Variants in MUC17 observed in about 807,000 individuals in gnomAD.
The protein encoded by MUC17 is mucin 17, cell surface associated.
Under a neutral mutation model 170.3 loss-of-function variants are expected in MUC17, and 190 were observed. The observed-to-expected ratio is 1.12, with a 90% CI of 0.99 to 1.26. The LOEUF is 1.26. MUC17 is among the 50% of genes most tolerant of loss of function. MUC17 has a pLI of 0.00. For synonymous variants in MUC17, 2,325 were observed against 2,002.5 expected, an observed-to-expected ratio of 1.16 and a Z score of -4.30; for missense variants, 6,415 against 5,530.0, an observed-to-expected ratio of 1.16 and a Z score of -5.08.
rs1171498901 is a variant in MUC17 at position 101,035,104 on chromosome 7, C to G, written c.3688C>G (p.Pro1230Ala). ...PLTSMPVRHT[P>A]VASSEASTLS... ...AACAAGTATGCCTGTCAGACACACG[C>G]CAGTGGCCAGTTCTGAGGCTAGCAC... The change falls in exon 3 of 13, where the codon CCA (proline) becomes GCA (alanine). Residue 1230 changes from proline to alanine, a missense_variant. By Grantham distance (27) the Pro-to-Ala change is conservative. Coordinates refer to ENST00000306151, the MANE Select transcript of MUC17 (RefSeq NM_001040105.2). 6.2e-7 allele frequency: 1 copy of G among 1,612,140 alleles called. No individual in the cohort carries two copies. Among genetic ancestry groups the G allele is most frequent in the Admixed American group, 1.7e-5 (1 of 59,868 alleles).
Position 101,051,626 on chromosome 7 carries a change from C to T in MUC17, c.12888C>T (p.Phe4296=). Residue 4296 remains phenylalanine (F), a synonymous_variant, in exon 8 of 13, where the codon TTC becomes TTT. Transcript: ENST00000306151. The stretch of plus-strand genomic sequence containing the variant: ...TCTCTTTCACAGACATGATGTGTTT[C>T]AACACCACTGGCACCCAAGTGCAAA... The part of the protein sequence containing the change: ...INDICSDMMC[F]NTTGTQVQNI... 1 of 1,612,974 alleles carries T rather than the reference C, an allele frequency of 6.2e-7. No individual in the cohort carries two copies. Among genetic ancestry groups the T allele is most frequent in the Non-Finnish European group, 8.5e-7 (1 of 1,179,718 alleles).
chr7:101,053,609 AAAAAAAT>A (rs1794994388), intron 11 of MUC17, 173 bp downstream of exon 11: 1 of 511,902 alleles, frequency 2.0e-6, no homozygotes, highest in East Asian at 3.1e-5. Flanking sequence ...TATCTCTTAA[AAAAAAAT>A]AAAAAATAAA....
In MUC17 at chr7:101,037,192, C is replaced by T. The variant is rs780855970; in HGVS notation, c.5776C>T (p.Pro1926Ser). Residue 1926 changes from proline (P) to serine (S), a missense_variant, in exon 3 of 13, where the codon CCT (proline) becomes TCT (serine). Transcript: ENST00000306151. ...MPTSTPREGR[P>S]PLTSIPVSTT... ...AACCTCAACTCCTAGGGAAGGAAGG[C>T]CTCCATTAACAAGTATACCTGTCAG... The T allele has an allele frequency of 5.7e-6, 9 of 1,576,868 alleles. No individual in the cohort carries two copies. The highest frequency in any genetic ancestry group is 3.1e-5 in the African/African-American group (2 of 64,956).
intron 1 of MUC17, among the ~76,000 whole-genome samples, chr7:101,026,306 G>A (rs1794177965): frequency 6.6e-6 from 1 of 152,190 alleles, no homozygotes; most frequent in Non-Finnish European, 1.5e-5. Flanking sequence ...GTCCTGCTGT[G>A]GGCCTGGGCC....
intron 1 of MUC17, among the ~76,000 whole-genome samples, chr7:101,022,603 T>A (rs1009701003): frequency 6.6e-6 from 1 of 152,100 alleles, no homozygotes; most frequent in Non-Finnish European, 1.5e-5. Flanking sequence ...GTTGGAAGGA[T>A]CACTTGAGCC....
Position 101,020,142 on chromosome 7 carries a change from A to G in MUC17, c.7A>G (p.Arg3Gly). The change falls in exon 1 of 13, where the codon AGG becomes GGG. Residue 3 changes from arginine to glycine, a missense_variant. By Grantham distance (125) the Arg-to-Gly change is moderately radical. Coordinates refer to ENST00000306151, the MANE Select transcript of MUC17 (RefSeq NM_001040105.2). Reference protein sequence around the residue: MPRPGTMALCLLT... With the variant: MPGPGTMALCLLT... ...AGACGTGCTCAGAGCTCCGATGCCAAGGCCAGGGACCATGGCGCTGTGTCT... is the reference window on the plus strand; with the variant it reads ...AGACGTGCTCAGAGCTCCGATGCCAGGGCCAGGGACCATGGCGCTGTGTCT... The G allele has an allele frequency of 1.3e-6, 2 of 1,596,434 alleles. No individual in the cohort carries two copies. Among genetic ancestry groups the G allele is most frequent in the Non-Finnish European group, 1.7e-6 (2 of 1,171,182 alleles).
rs1235452349 is a variant in MUC17 at position 101,035,170 on chromosome 7, A to G, written c.3754A>G (p.Thr1252Ala). 2 of 1,610,594 alleles carry G rather than the reference A, an allele frequency of 1.2e-6. No homozygotes were observed. The highest frequency in any genetic ancestry group is 1.7e-6 in the Non-Finnish European group (2 of 1,178,272). Residue 1252 changes from threonine to alanine, a missense_variant, in exon 3 of 13, where the codon ACT becomes GCT. By Grantham distance (58) the Thr-to-Ala change is moderately conservative. Transcript: ENST00000306151. ...SPVDTSTPVT[T>A]SAETSSSPTT... ...CGTTGACACCAGCACACCTGTGACCACTTCTGCTGAAACCAGTTCCTCTCC... is the reference window on the plus strand; with the variant it reads ...CGTTGACACCAGCACACCTGTGACCGCTTCTGCTGAAACCAGTTCCTCTCC...
At chr7:101,046,276 A>G (rs1227958791) in intron 3 of MUC17, among the ~76,000 whole-genome samples, 1 of 152,224 alleles carries the variant, frequency 6.6e-6, no homozygotes, top group Non-Finnish European at 1.5e-5. Flanking sequence ...AGGTCTTTGC[A>G]GAGTCTATAC....
At position 101,038,192 on chromosome 7, in the gene MUC17, C is replaced by T. The variant is rs1355670074; in HGVS notation, c.6776C>T (p.Ser2259Leu). The T allele has an allele frequency of 6.2e-7, 1 of 1,614,022 alleles. No homozygotes were observed. Among genetic ancestry groups the T allele is most frequent in the South Asian group, 1.1e-5 (1 of 91,068 alleles). ...GTGACCACTTCTACTGAAGCCACTT[C>T]ATCTCCTACAACTGCTGAAGGTACC... is the stretch of plus-strand genomic sequence containing the variant. ...TPVTTSTEAT[S>L]SPTTAEGTSI... Residue 2259 changes from serine (S) to leucine (L), a missense_variant, in exon 3 of 13, where the codon TCA becomes TTA. By Grantham distance (145) the Ser-to-Leu change is moderately radical. Coordinates refer to ENST00000306151, the MANE Select transcript of MUC17 (RefSeq NM_001040105.2).
chr7:101,034,493 C>G lies in MUC17; in HGVS notation c.3077C>G (p.Thr1026Ser), dbSNP rs1794397195. The G allele has an allele frequency of 6.2e-7, 1 of 1,614,176 alleles. No individual in the cohort carries two copies. The highest frequency in any genetic ancestry group is 8.5e-7 in the Non-Finnish European group (1 of 1,180,016). The change falls in exon 3 of 13, where the codon ACT becomes AGT. Residue 1026 changes from threonine to serine, a missense_variant. Physicochemically the swap from Thr to Ser is moderately conservative, Grantham distance 58. Transcript: ENST00000306151. Reference sequence around the variant, plus strand: ...ACTGAAGCCAGTTCACCTCCTCCCACTGCTGAAGGTACCAGCATGCCAACC... The same window carrying G: ...ACTGAAGCCAGTTCACCTCCTCCCAGTGCTGAAGGTACCAGCATGCCAACC... ...TSTEASSPPP[T>S]AEGTSMPTST... is the part of the protein sequence containing the mutation.
intron 8 of MUC17, 46 bp downstream of exon 8, chr7:101,051,727 G>A (rs1357754790): frequency 1.2e-6 from 2 of 1,607,034 alleles, no homozygotes; most frequent in Admixed American, 1.7e-5. Flanking sequence ...GAGAGGTGGG[G>A]AGCCCAGGAG....
Position 101,033,098 on chromosome 7 carries a change from C to G in MUC17, c.1682C>G (p.Pro561Arg). ...ACAACTCCTGAAGGTACCAGCATACCAACCTCAACTCCTAGTGAAGGAAGC... is the reference window on the plus strand; with the variant it reads ...ACAACTCCTGAAGGTACCAGCATACGAACCTCAACTCCTAGTGAAGGAAGC... ...SSTTPEGTSI[P>R]TSTPSEGSTP... Residue 561 changes from proline to arginine, a missense_variant, in exon 3 of 13, where the codon CCA (proline) becomes CGA (arginine). Physicochemically the swap from Pro to Arg is moderately radical, Grantham distance 103. Transcript: ENST00000306151. The G allele has an allele frequency of 6.2e-7, 1 of 1,611,598 alleles. No homozygotes were observed.
chr7:101,056,157 C>A (rs748409988), intron 11 of MUC17, 37 bp from the exon 12 acceptor site: 43 of 1,612,978 alleles, frequency 2.7e-5, no homozygotes, highest in Non-Finnish European at 3.5e-5. Flanking sequence ...GTCCTTCTAA[C>A]CTCCTGTTTC....
rs776231169 is a variant in MUC17 at position 101,033,576 on chromosome 7, C to T, written c.2160C>T (p.Thr720=). The T allele has an allele frequency of 6.2e-7, 1 of 1,613,934 alleles. No individual in the cohort carries two copies. The highest frequency in any genetic ancestry group is 1.3e-5 in the African/African-American group (1 of 74,896). ...TTPVDTSTPV[T]TSTEASSSPT... ...CTGTTGACACCAGCACACCTGTGAC[C>T]ACTTCAACTGAAGCCAGTTCCTCTC... Residue 720 remains threonine (T), a synonymous_variant, in exon 3 of 13, where the codon ACC becomes ACT. Coordinates refer to ENST00000306151, the MANE Select transcript of MUC17 (RefSeq NM_001040105.2).
Position 101,048,000 on chromosome 7 carries a change from C to T in MUC17, c.12420C>T (p.Cys4140=), listed in dbSNP as rs146817703. 370 of 1,595,912 alleles carry T rather than the reference C, an allele frequency of 2.3e-4. 1 individual carries two copies. Among genetic ancestry groups the T allele is most frequent in the Non-Finnish European group, 3.0e-4 (347 of 1,173,114 alleles). Residue 4140 remains cysteine (C), a synonymous_variant, in exon 4 of 13, where the codon TGC becomes TGT. Coordinates refer to ENST00000306151, the MANE Select transcript of MUC17 (RefSeq NM_001040105.2). ...PRTTTCFGDG[C]QNTASRCKNG... is the part of the protein sequence containing the mutation. ...GTTCCACAGGCTTTGGAGATGGGTG[C>T]CAGAATACGGCCTCTCGCTGCAAGA...
Position 101,043,568 on chromosome 7 carries a change from C to A in MUC17, c.12152C>A (p.Ser4051Tyr), listed in dbSNP as rs1794775296. Residue 4051 changes from serine to tyrosine, a missense_variant, in exon 3 of 13, where the codon TCC becomes TAC. Transcript: ENST00000306151. ...CGTCCTGTGACCCCTTCATCAGAATCCAGCAGGCCGTCAACAATTACTTCT... is the reference window on the plus strand; with the variant it reads ...CGTCCTGTGACCCCTTCATCAGAATACAGCAGGCCGTCAACAATTACTTCT... ...TTRPVTPSSE[S>Y]SRPSTITSHT... 3 of 1,614,212 alleles carry A rather than the reference C, an allele frequency of 1.9e-6. No individual in the cohort carries two copies. The highest frequency in any genetic ancestry group is 2.5e-6 in the Non-Finnish European group (3 of 1,180,044).
At position 101,036,269 on chromosome 7, in the gene MUC17, G is replaced by A. The variant is rs112183311; in HGVS notation, c.4853G>A (p.Gly1618Asp). The change falls in exon 3 of 13, where the codon GGT becomes GAT. Residue 1618 changes from glycine (G) to aspartate (D), a missense_variant. Gly to Asp is a moderately conservative substitution (Grantham distance 94). Coordinates refer to ENST00000306151, the MANE Select transcript of MUC17 (RefSeq NM_001040105.2). ...GCCAGTTCATCTACAACCGCTGAAG[G>A]TAGCAGCATGACAATCTCAACTCCT... ...TEASSSTTAE[G>D]SSMTISTPSE... 4,516 of 1,613,678 alleles carry A rather than the reference G, an allele frequency of 2.8e-3. 124 individuals carry two copies. In the African/African-American group the frequency reaches 0.053, roughly 19 times the overall value.
At position 101,034,648 on chromosome 7, in the gene MUC17, C is replaced by A. The variant is rs776274510; in HGVS notation, c.3232C>A (p.Gln1078Lys). The A allele has an allele frequency of 6.2e-7, 1 of 1,602,662 alleles. No homozygotes were observed. Among genetic ancestry groups the A allele is most frequent in the South Asian group, 1.1e-5 (1 of 89,932 alleles). ...CAGCACACCTGTGACCACTTATTCT[C>A]AAGCCAGTTCATCTTCTACAACTGC... ...DTSTPVTTYS[Q>K]ASSSSTTADG... The change falls in exon 3 of 13, where the codon CAA becomes AAA. Residue 1078 changes from glutamine (Q) to lysine (K), a missense_variant. Coordinates refer to ENST00000306151, the MANE Select transcript of MUC17 (RefSeq NM_001040105.2).
Position 101,032,336 on chromosome 7 carries a change from T to A in MUC17, c.920T>A (p.Ile307Asn). 1 of 1,609,778 alleles carries A rather than the reference T, an allele frequency of 6.2e-7. No individual in the cohort carries two copies. Reference protein sequence around the residue: ...TTPAATNIPVITSTEASSSPT... With the variant: ...TTPAATNIPVNTSTEASSSPT... The stretch of plus-strand genomic sequence containing the variant: ...CCTGCTGCCACCAACATTCCTGTGA[T>A]CACTTCTACTGAAGCCAGTTCATCT... The change falls in exon 3 of 13, where the codon ATC becomes AAC. Residue 307 changes from isoleucine (I) to asparagine (N), a missense_variant. Ile to Asn is a moderately radical substitution (Grantham distance 149, BLOSUM62 -3). Coordinates refer to ENST00000306151, the MANE Select transcript of MUC17 (RefSeq NM_001040105.2).
Sources: allele counts gnomAD v4.1 joint callset (sites outside exome capture counted in the v4.1 genomes callset), GRCh38; gene constraint gnomAD v4.1.1; transcripts MANE v1.5; gene names NCBI Gene and HGNC (gene_info 2026-07-23, HGNC 2026-07-21).